SAMD3: variants seen among roughly 807,000 people sequenced by gnomAD.
SAMD3 encodes the protein sterile alpha motif domain-containing protein 3.
In SAMD3, 63 loss-of-function variants were observed where a neutral mutation model predicts 58.5. The observed-to-expected ratio is 1.08, with a 90% CI of 0.88 to 1.33. The LOEUF (loss-of-function observed/expected upper bound fraction) is 1.33. Ranked by LOEUF, SAMD3 falls within the 40% of genes most tolerant of loss-of-function variation. The pLI is 0.00. For missense variants in SAMD3, 604 were observed against 608.4 expected, an observed-to-expected ratio of 0.99 and a Z score of 0.08; for synonymous variants, 220 against 210.3, an observed-to-expected ratio of 1.05 and a Z score of -0.40.
At chr6:130,192,783 C>A (rs531828131) in intron 5 of SAMD3, among the ~76,000 whole-genome samples, 2 of 152,276 alleles carry the variant, frequency 1.3e-5, no homozygotes, top group Non-Finnish European at 2.9e-5. Context: ...CTCTTTGCTC[C>A]GTGAGAAAGA....
intron 1 of SAMD3, among the ~76,000 whole-genome samples, chr6:130,359,807 T>C (rs1215548083): frequency 6.6e-6 from 1 of 152,240 alleles, no homozygotes; most frequent in East Asian, 1.9e-4. Flanking sequence ...GGCTGTTTCC[T>C]TAGGTGTGAA....
intron 5 of SAMD3, among the ~76,000 whole-genome samples, chr6:130,201,852 C>G (rs565120999): frequency 1.3e-5 from 2 of 152,320 alleles, no homozygotes; most frequent in East Asian, 3.9e-4. Context: ...TAGAGGCCTT[C>G]GCCACGCTTA....
intron 8 of SAMD3, among the ~76,000 whole-genome samples, chr6:130,170,871 A>C (rs1791185975): frequency 6.6e-6 from 1 of 152,166 alleles, no homozygotes; most frequent in African/African-American, 2.4e-5. Flanking sequence ...TAAATATACA[A>C]TCATGTCGTC....
At chr6:130,280,325 G>A (rs1774936247) in intron 2 of SAMD3, among the ~76,000 whole-genome samples, 1 of 152,086 alleles carries the variant, frequency 6.6e-6, no homozygotes, top group Non-Finnish European at 1.5e-5. Context: ...CTTGATAATG[G>A]CATGTAATGA....
chr6:130,308,349 AATTCT>A (rs68138988), intron 2 of SAMD3, among the ~76,000 whole-genome samples: 4,408 of 69,340 alleles, frequency 0.064, 60 homozygotes, highest in Non-Finnish European at 0.071. Flanking sequence ...AAGTTCATAG[AATTCT>A]ATTCTATTCT....
chr6:130,245,377 CCCA>C (rs1265878866), intron 2 of SAMD3, among the ~76,000 whole-genome samples: 21 of 152,154 alleles, frequency 1.4e-4, no homozygotes, highest in African/African-American at 4.8e-4. Flanking sequence ...TTTCAAAACT[CCCA>C]CTTTTTTCAG....
intron 8 of SAMD3, among the ~76,000 whole-genome samples, chr6:130,162,903 C>T (rs1007499963): frequency 7.9e-5 from 12 of 152,206 alleles, no homozygotes; most frequent in African/African-American, 2.9e-4. Context: ...TGTGACTAGC[C>T]CAAATTGATA....
At chr6:130,361,433 T>A (rs1305769276) in intron 1 of SAMD3, among the ~76,000 whole-genome samples, 2 of 152,182 alleles carry the variant, frequency 1.3e-5, no homozygotes, top group Non-Finnish European at 2.9e-5. Flanking sequence ...TTTACCAAAA[T>A]TGTGGCTTAA....
intron 1 of SAMD3, among the ~76,000 whole-genome samples, chr6:130,316,876 G>C (rs944304211): frequency 9.9e-5 from 15 of 152,166 alleles, no homozygotes; most frequent in African/African-American, 3.4e-4. Context: ...CAGCTTTTAG[G>C]ATTTTGAAAT....
At chr6:130,185,368 C>T (rs979619072) in intron 5 of SAMD3, among the ~76,000 whole-genome samples, 3 of 152,066 alleles carry the variant, frequency 2.0e-5, no homozygotes, top group Non-Finnish European at 4.4e-5. Flanking sequence ...CTCACTCTGT[C>T]GCCAGGCTGG....
chr6:130,179,118 G>A (rs1792026012), intron 7 of SAMD3, among the ~76,000 whole-genome samples: 1 of 152,172 alleles, frequency 6.6e-6, no homozygotes, highest in South Asian at 2.1e-4. Context: ...CAACGGCTAG[G>A]ACATTTTTAA....
At chr6:130,321,104 C>G (rs1776570037) in intron 1 of SAMD3, among the ~76,000 whole-genome samples, 1 of 152,200 alleles carries the variant, frequency 6.6e-6, no homozygotes, top group Admixed American at 6.5e-5. Flanking sequence ...TAGTGACTCA[C>G]TTGTAGCAAA....
chr6:130,173,889 C>A (rs570337872), intron 8 of SAMD3, among the ~76,000 whole-genome samples: 1 of 152,340 alleles, frequency 6.6e-6, no homozygotes, highest in African/African-American at 2.4e-5. Flanking sequence ...CAGAGATGCC[C>A]TGCCCAGTGA....
intron 2 of SAMD3, among the ~76,000 whole-genome samples, chr6:130,244,347 A>G (rs183273988): frequency 1.3e-5 from 2 of 152,324 alleles, no homozygotes; most frequent in African/African-American, 4.8e-5. Context: ...GCTCAAGGTC[A>G]TATGTCTGGG....
intron 2 of SAMD3, among the ~76,000 whole-genome samples, chr6:130,282,996 G>A (rs1311371261): frequency 1.3e-5 from 2 of 151,950 alleles, no homozygotes; most frequent in African/African-American, 4.8e-5. Flanking sequence ...GGCACTGGTC[G>A]AGATTATAAA....
rs528404142 is a variant in SAMD3, at chr6:130,310,133, T to G, written c.-188+2845A>C. On this transcript the variant is annotated intron_variant, in intron 2 of 13. Coordinates refer to the SAMD3 transcript ENST00000368134. ...TCTATTCTTACCTTAGAGAATAATA[T>G]TCTCCCAGAATTTTCTGGCATGCCT... Among the ~76,000 whole-genome samples, 6 of 152,332 alleles carry G rather than the reference T, an allele frequency of 3.9e-5. No individual in the cohort carries two copies. In the South Asian group the frequency reaches 1.2e-3, roughly 32 times the overall value.
chr6:130,206,296 G>T (rs989340618), intron 5 of SAMD3, among the ~76,000 whole-genome samples: 1 of 152,158 alleles, frequency 6.6e-6, no homozygotes, highest in African/African-American at 2.4e-5. Flanking sequence ...CTAGGGCAAG[G>T]CAGTCGTATG....
At chr6:130,299,774 C>T (rs2114973619) in intron 2 of SAMD3, among the ~76,000 whole-genome samples, 1 of 152,204 alleles carries the variant, frequency 6.6e-6, no homozygotes, top group Non-Finnish European at 1.5e-5. Context: ...AGAGGTAGCA[C>T]TAGCATTACA....
chr6:130,150,128 T>C (rs910407162), intron 9 of SAMD3, among the ~76,000 whole-genome samples: 3 of 152,066 alleles, frequency 2.0e-5, no homozygotes, highest in African/African-American at 7.3e-5. Context: ...CGTGTGTGTG[T>C]GCGTGTATTT....
Sources: gnomAD v4.1 joint callset for allele counts (sites outside exome capture counted in the v4.1 genomes callset) on GRCh38, gnomAD v4.1.1 for gene constraint, MANE v1.5 for transcripts, NCBI Gene and HGNC (gene_info 2026-07-23, HGNC 2026-07-21) for gene names.